Variants in DPYD observed in about 807,000 individuals in gnomAD.
DPYD encodes the protein dihydropyrimidine dehydrogenase.
Under a neutral mutation model 116.2 loss-of-function variants are expected in DPYD, and 109 were observed. That is an observed-to-expected ratio of 0.94 (90% CI 0.80 to 1.10). The LOEUF (loss-of-function observed/expected upper bound fraction) is 1.10, where lower values mean the gene tolerates loss of function less well. DPYD is among the 50% of genes least tolerant of loss of function. The probability of loss-of-function intolerance (pLI) is 0.00; values close to 1 mark genes in which losing one functional copy is unlikely to be tolerated. For synonymous variants in DPYD, 440 were observed against 432.0 expected (o/e 1.02, Z -0.23); for missense variants, 1,302 against 1,254.5 (o/e 1.04, Z -0.57).
chr1:97,251,340 C>T (rs544247627), intron 18 of DPYD, among the ~76,000 whole-genome samples: 6 of 141,270 alleles, frequency 4.2e-5, no homozygotes, highest in Non-Finnish European at 7.5e-5. Context: ...TGCAGTGAGC[C>T]GAGATTGCGC....
intron 19 of DPYD, among the ~76,000 whole-genome samples, chr1:97,204,767 G>C (rs183314964): frequency 6.6e-6 from 1 of 151,978 alleles, no homozygotes; most frequent in Admixed American, 6.6e-5. Flanking sequence ...AAAATGCTCC[G>C]TCACTTTTGG....
intron 16 of DPYD, among the ~76,000 whole-genome samples, chr1:97,310,367 C>T (rs1250859052): frequency 6.6e-6 from 1 of 151,772 alleles, no homozygotes; most frequent in Non-Finnish European, 1.5e-5. Context: ...CCTTCATCTT[C>T]TTTAGCAAAA....
chr1:97,578,234 T>A (rs1231047784), intron 10 of DPYD, among the ~76,000 whole-genome samples: 2 of 152,084 alleles, frequency 1.3e-5, no homozygotes, highest in African/African-American at 4.8e-5. Flanking sequence ...TTACAGGTAA[T>A]TCACTTAATC....
intron 5 of DPYD, among the ~76,000 whole-genome samples, chr1:97,718,263 T>A (rs1662725518): frequency 1.3e-5 from 2 of 152,022 alleles, no homozygotes; most frequent in South Asian, 2.1e-4. Flanking sequence ...CATTTGTATA[T>A]CTTATTTTGA....
chr1:97,088,085 CCTTT>C (rs1349896475), intron 21 of DPYD, among the ~76,000 whole-genome samples: 1 of 152,126 alleles, frequency 6.6e-6, no homozygotes, highest in African/African-American at 2.4e-5. Context: ...AAATGCATAA[CCTTT>C]TTCTTACTTC....
chr1:97,868,880 A>C (rs538928689), intron 2 of DPYD, among the ~76,000 whole-genome samples: 41 of 151,930 alleles, frequency 2.7e-4, no homozygotes, highest in African/African-American at 9.2e-4. Context: ...TTGGTTGTCT[A>C]TATCTCAAAC....
chr1:97,082,306 T>G, intron 22 of DPYD, 24 bp downstream of exon 22: 1 of 1,613,122 alleles, frequency 6.2e-7, no homozygotes, highest in African/African-American at 1.3e-5. Context: ...TCTCATAGCA[T>G]TCTAATTCCA....
intron 18 of DPYD, among the ~76,000 whole-genome samples, chr1:97,242,372 T>G (rs936415429): frequency 2.0e-5 from 3 of 150,950 alleles, no homozygotes; most frequent in Admixed American, 2.0e-4. Flanking sequence ...GACACGCAAA[T>G]AGCTCTAATT....
chr1:97,709,921 C>G (rs1662192351), intron 5 of DPYD, among the ~76,000 whole-genome samples: 1 of 151,458 alleles, frequency 6.6e-6, no homozygotes, highest in Admixed American at 6.6e-5. Context: ...AAATATATAC[C>G]ATAGGGAAGT....
intron 20 of DPYD, among the ~76,000 whole-genome samples, chr1:97,118,232 G>A (rs866554857): frequency 6.6e-6 from 1 of 151,856 alleles, no homozygotes; most frequent in Non-Finnish European, 1.5e-5. Flanking sequence ...CCAGCACATC[G>A]TCTCCCAGTC....
chr1:97,326,930 C>A (rs1558033268), intron 16 of DPYD, among the ~76,000 whole-genome samples: 1 of 151,906 alleles, frequency 6.6e-6, no homozygotes, highest in Non-Finnish European at 1.5e-5. Context: ...TGAAAGAGAT[C>A]ATCTGTTATG....
intron 16 of DPYD, chr1:97,322,664 G>A (rs1221614215): frequency 6.6e-6 from 1 of 151,974 alleles, no homozygotes; most frequent in Non-Finnish European, 1.5e-5. Context: ...GTCATAAGGG[G>A]TGTGTCTGTG....
At chr1:97,093,934 C>T (rs1403320367) in intron 21 of DPYD, among the ~76,000 whole-genome samples, 5 of 151,946 alleles carry the variant, frequency 3.3e-5, no homozygotes, top group African/African-American at 1.2e-4. Flanking sequence ...TTTCCTTAAT[C>T]ATGCCCTTTC....
At chr1:97,471,673 C>T (rs1346172772) in intron 13 of DPYD, among the ~76,000 whole-genome samples, 2 of 151,676 alleles carry the variant, frequency 1.3e-5, no homozygotes, top group Non-Finnish European at 2.9e-5. Flanking sequence ...ACTGTAACCT[C>T]AGCCTGCCGG....
At chr1:97,759,526 T>C (rs969243289) in intron 3 of DPYD, among the ~76,000 whole-genome samples, 1 of 152,176 alleles carries the variant, frequency 6.6e-6, no homozygotes, top group Non-Finnish European at 1.5e-5. Flanking sequence ...ACAGCACTTA[T>C]CCAAAGTAAC....
intron 20 of DPYD, among the ~76,000 whole-genome samples, chr1:97,124,653 G>T (rs1055639869): frequency 1.3e-5 from 2 of 152,130 alleles, no homozygotes; most frequent in Admixed American, 1.3e-4. Context: ...GGCACAAAAT[G>T]TTTGGGTTCA....
chr1:97,730,201 A>T (rs145215633), intron 4 of DPYD, among the ~76,000 whole-genome samples: 25 of 152,216 alleles, frequency 1.6e-4, no homozygotes, highest in Admixed American at 3.3e-4. Flanking sequence ...ATATAATACT[A>T]GAAACTGAAC....
intron 11 of DPYD, among the ~76,000 whole-genome samples, chr1:97,558,341 A>G (rs1372948550): frequency 6.6e-6 from 1 of 152,100 alleles, no homozygotes; most frequent in East Asian, 1.9e-4. Context: ...AATCTAGTAT[A>G]TGTTTTTTGG....
chr1:97,106,998 G>A (rs1269147521), intron 20 of DPYD, among the ~76,000 whole-genome samples: 1 of 151,988 alleles, frequency 6.6e-6, no homozygotes, highest in Non-Finnish European at 1.5e-5. Context: ...TGTTTCTCTG[G>A]AGAACTCTAA....
Sources: allele counts gnomAD v4.1 joint callset (sites outside exome capture counted in the v4.1 genomes callset), GRCh38; gene constraint gnomAD v4.1.1; transcripts MANE v1.5; gene names NCBI Gene and HGNC (gene_info 2026-07-23, HGNC 2026-07-21).